TERF1: variants seen among roughly 807,000 people sequenced by gnomAD.
The protein encoded by TERF1 is telomeric repeat binding factor 1, also known as telomeric repeat-binding factor 1.
TERF1 carries 20 observed loss-of-function variants against 55.1 expected under a neutral mutation model. The observed-to-expected ratio is 0.36, with a 90% CI of 0.26 to 0.53. TERF1 has a LOEUF of 0.53. Among genes scored for constraint, TERF1 ranks in the 20% least tolerant of loss-of-function variants. The probability of loss-of-function intolerance (pLI) is 0.91; values close to 1 mark genes in which losing one functional copy is unlikely to be tolerated. For missense variants in TERF1, 439 were observed against 535.7 expected (o/e 0.82, Z 1.78); for synonymous variants, 168 against 181.2 (o/e 0.93, Z 0.59).
At chr8:73,030,208 T>C in intron 6 of TERF1, 128 bp from the exon 7 acceptor site, 2 of 597,578 alleles carry the variant, frequency 3.3e-6, no homozygotes, top group South Asian at 2.5e-5. Context: ...TATGTCCCGA[T>C]GTTACCAAGG....
intron 9 of TERF1, among the ~76,000 whole-genome samples, chr8:73,041,552 G>A (rs1395806460): frequency 2.0e-5 from 3 of 152,156 alleles, no homozygotes; most frequent in Non-Finnish European, 4.4e-5. Flanking sequence ...AGAGAGGGGT[G>A]GAGTTGAGTA....
At chr8:73,025,284 T>A (rs1445380982) in intron 5 of TERF1, among the ~76,000 whole-genome samples, 4 of 152,202 alleles carry the variant, frequency 2.6e-5, no homozygotes, top group Non-Finnish European at 5.9e-5. Context: ...AAAGACTTTT[T>A]AAACATATTT....
intron 9 of TERF1, among the ~76,000 whole-genome samples, chr8:73,040,369 G>A (rs1186237201): frequency 6.6e-6 from 1 of 152,080 alleles, no homozygotes; most frequent in Non-Finnish European, 1.5e-5. Flanking sequence ...AAGTTGCACT[G>A]ATTATTTATA....
intron 9 of TERF1, among the ~76,000 whole-genome samples, chr8:73,043,591 G>A (rs879086263): frequency 3.9e-5 from 6 of 151,998 alleles, no homozygotes; most frequent in Middle Eastern, 3.4e-3. Flanking sequence ...TCTTAGCTCC[G>A]GGGCTGTAGA....
Position 73,032,211 on chromosome 8 carries a change from T to C in TERF1, c.1039+78T>C, listed in dbSNP as rs1809318219. ...AATCCAGCCATTGACTTTACCACTA[T>C]AGCAAAAAAACACACACTTCAGAAA... On this transcript the variant is annotated intron_variant, in intron 8 of 9. Coordinates refer to ENST00000276603, the MANE Select transcript of TERF1 (RefSeq NM_017489.3). The C allele has an allele frequency of 5.9e-6, 6 of 1,018,416 alleles. No homozygotes were observed. The South Asian group carries it at 6.5e-5, about 11-fold the overall frequency. The allele number at this position is 1,018,416 out of a possible 1,614,324, so 63.1% of individuals were successfully genotyped here.
At chr8:73,022,933 A>C in intron 4 of TERF1, among the ~76,000 whole-genome samples, 1 of 152,230 alleles carries the variant, frequency 6.6e-6, no homozygotes, top group East Asian at 1.9e-4. Context: ...CGCTGTCTCT[A>C]AAAATAAATA....
intron 8 of TERF1, among the ~76,000 whole-genome samples, chr8:73,035,835 A>G (rs1809485006): frequency 1.3e-5 from 2 of 152,126 alleles, no homozygotes; most frequent in African/African-American, 4.8e-5. Flanking sequence ...TGTTTGTAGT[A>G]GGGTAATCTT....
Position 73,025,066 on chromosome 8 carries a change from A to G in TERF1, c.774+95A>G, listed in dbSNP as rs556534459. 3.4e-4 allele frequency: 272 copies of G among 804,024 alleles called. 2 individuals are homozygous for G. In the Middle Eastern group the frequency reaches 9.7e-3, roughly 29 times the overall value. 49.8% of individuals were successfully genotyped at this position (804,024 alleles called of 1,614,324 possible). ...AAATAGAAATCCTTTAAAATTAATC[A>G]GAATTTTTCATTGTGGTTTTGTAGA... On this transcript the variant is annotated intron_variant, in intron 5 of 9. Coordinates refer to ENST00000276603, the MANE Select transcript of TERF1 (RefSeq NM_017489.3).
intron 9 of TERF1, among the ~76,000 whole-genome samples, chr8:73,041,708 T>C (rs1381526512): frequency 6.6e-6 from 1 of 151,964 alleles, no homozygotes; most frequent in East Asian, 1.9e-4. Context: ...AATTGGGGAG[T>C]ATTTCAAAAT....
chr8:73,034,440 G>GT (rs34598357), intron 8 of TERF1, among the ~76,000 whole-genome samples: 71,752 of 151,924 alleles, frequency 0.47, 17,926 homozygotes, highest in Middle Eastern at 0.59. Context: ...GCCTTTTTGT[G>GT]TTTTTTGTAG....
intron 3 of TERF1, 25 bp from the exon 4 acceptor site, chr8:73,022,191 A>G (rs756956379): frequency 6.9e-7 from 1 of 1,457,310 alleles, no homozygotes; most frequent in Non-Finnish European, 9.4e-7. Flanking sequence ...AACGCAGTCT[A>G]AGGTTGGTAT....
rs35028162 is a variant in TERF1 at position 73,025,754 on chromosome 8, C to CA, written c.774+809dup. On this transcript the variant is annotated intron_variant, in intron 5 of 9. Coordinates refer to ENST00000276603, the MANE Select transcript of TERF1 (RefSeq NM_017489.3). ...CCTGGGCGACAGTGAGACTCTGTCT[C>CA]AAAAAAAAAAAAAAAAAAAAAAAAA... 6.1e-3 allele frequency among the ~76,000 whole-genome samples: 286 copies of CA among 47,212 alleles called. 13 individuals are homozygous for CA. Among genetic ancestry groups the CA allele is most frequent in the East Asian group, 0.027 (25 of 924 alleles). 31.0% of individuals were successfully genotyped at this position (47,212 alleles called of 152,430 possible).
At chr8:73,010,139 ATATATT>A (rs1272931150) in intron 1 of TERF1, 1 of 152,218 alleles carries the variant, frequency 6.6e-6, no homozygotes, top group Admixed American at 6.5e-5. Context: ...CTGTGCAAGT[ATATATT>A]TATAATACTA....
intron 5 of TERF1, among the ~76,000 whole-genome samples, chr8:73,026,220 A>G (rs1253199629): frequency 6.9e-6 from 1 of 144,114 alleles, no homozygotes. Flanking sequence ...ATTTCTAGTC[A>G]GGCGCGGTAA....
At chr8:73,020,928 T>G in intron 3 of TERF1, 123 bp downstream of exon 3, 1 of 706,278 alleles carries the variant, frequency 1.4e-6, no homozygotes, top group Non-Finnish European at 2.3e-6. Context: ...CTTCAGAAAT[T>G]TGACCTTTGG....
At position 73,032,049 on chromosome 8, in the gene TERF1, A is replaced by G; in HGVS notation, c.955A>G (p.Lys319Glu). The change falls in exon 8 of 10, where the codon AAG becomes GAG. Residue 319 changes from lysine to glutamate, a missense_variant. Physicochemically the swap from Lys to Glu is moderately conservative, Grantham distance 56. This residue lies in a region of TERF1 where 140 missense variants were observed against 158.6 expected (regional missense o/e 0.88). Coordinates refer to ENST00000276603, the MANE Select transcript of TERF1 (RefSeq NM_017489.3). Reference sequence around the variant, plus strand: ...TTTCCTGTTTTATTTTAGGTCTCACAAGAATCTTTTCTTATCTAAGTTGCA... The same window carrying G: ...TTTCCTGTTTTATTTTAGGTCTCACGAGAATCTTTTCTTATCTAAGTTGCA... ...EGTVSLLRSHKNLFLSKLQHG... is the reference protein window; with the variant it reads ...EGTVSLLRSHENLFLSKLQHG... 6 of 1,607,966 alleles carry G rather than the reference A, an allele frequency of 3.7e-6. No individual in the cohort carries two copies. The highest frequency in any genetic ancestry group is 5.1e-6 in the Non-Finnish European group (6 of 1,178,354).
At chr8:73,029,848 A>G (rs1162580680) in intron 6 of TERF1, 1 of 152,246 alleles carries the variant, frequency 6.6e-6, no homozygotes, top group Non-Finnish European at 1.5e-5. Flanking sequence ...ATGGAGGTGT[A>G]AATAGTCATG....
rs1825161 is a variant in TERF1, at chr8:73,046,316, T to C, written c.*179T>C. 4.7e-6 allele frequency: 2 copies of C among 426,454 alleles called. No homozygotes were observed. The highest frequency in any genetic ancestry group is 8.2e-6 in the Non-Finnish European group (2 of 242,444). The allele number at this position is 426,454 out of a possible 1,614,324, so 26.4% of individuals were successfully genotyped here. ...AGTTAAAGCATATGCTATCATTGTA[T>C]TCTTTAAGAACCTTATTTTGATAAA... On this transcript the variant is annotated 3_prime_UTR_variant, in exon 10 of 10. Coordinates refer to ENST00000276603, the MANE Select transcript of TERF1 (RefSeq NM_017489.3).
In TERF1 at chr8:73,022,287, T is replaced by TA; in HGVS notation, c.609_610insA (p.Pro204ThrfsTer38). ...AAGTCTTTGAAAGAATATTTGGTGA[T>TA]CCAAATTCTCATATGGTAATTATTT... is the stretch of plus-strand genomic sequence containing the variant. On this transcript the variant is annotated frameshift_variant, in exon 4 of 10. Coordinates refer to ENST00000276603, the MANE Select transcript of TERF1 (RefSeq NM_017489.3). LOFTEE classifies it high-confidence loss of function. 6.3e-7 allele frequency: 1 copy of TA among 1,577,278 alleles called. No individual in the cohort carries two copies. The highest frequency in any genetic ancestry group is 1.2e-5 in the South Asian group (1 of 84,802).
Sources: gnomAD v4.1 joint callset for allele counts (sites outside exome capture counted in the v4.1 genomes callset) on GRCh38, gnomAD v4.1.1 for gene constraint, gnomAD v4.1.1 regional missense constraint, MANE v1.5 for transcripts, NCBI Gene and HGNC (gene_info 2026-07-23, HGNC 2026-07-21) for gene names.